Variants in PCDHA4 observed in about 807,000 individuals in gnomAD.
PCDHA4 encodes the protein protocadherin alpha-4.
PCDHA4 carries 49 observed loss-of-function variants against 61.4 expected under a neutral mutation model. The observed-to-expected ratio is 0.80, with a 90% CI of 0.63 to 1.01. The LOEUF (loss-of-function observed/expected upper bound fraction) is 1.01, where lower values mean the gene tolerates loss of function less well. Among genes scored for constraint, PCDHA4 ranks in the 50% least tolerant of loss-of-function variants. The pLI, the probability that PCDHA4 is intolerant of heterozygous loss-of-function variation, is 0.00. For synonymous variants in PCDHA4, 590 were observed against 550.3 expected, an observed-to-expected ratio of 1.07 and a Z score of -1.01; for missense variants, 1,254 against 1,235.8, an observed-to-expected ratio of 1.01 and a Z score of -0.22.
intron 1 of PCDHA4, chr5:140,871,576 G>A (rs1554165757): frequency 4.1e-6 from 6 of 1,475,680 alleles, no homozygotes; most frequent in Non-Finnish European, 5.4e-6. Flanking sequence ...GATTTTTTAA[G>A]GGAAAGTTTT....
rs1228341912 is a variant in PCDHA4 at position 140,843,752 on chromosome 5, T to G, written c.2385+34180T>G. 2.6e-6 allele frequency: 4 copies of G among 1,516,428 alleles called. No individual in the cohort carries two copies. In the African/African-American group the frequency reaches 5.5e-5, roughly 21 times the overall value. The allele number at this position is 1,516,428 out of a possible 1,614,324, so 93.9% of individuals were successfully genotyped here. ...TAAATTTAGAACTCATAAATTCTAT[T>G]TGTGGAAATTGTAGTTACTTTAAAA... On this transcript the variant is annotated intron_variant, in intron 1 of 3. Transcript: ENST00000530339.
chr5:140,822,625 G>A (rs2150117840), intron 1 of PCDHA4: 2 of 1,611,264 alleles, frequency 1.2e-6, no homozygotes, highest in South Asian at 1.1e-5. Context: ...TAGTAATCTT[G>A]TTCTTGACGA....
chr5:140,941,421 A>T (rs1399072425), intron 1 of PCDHA4, among the ~76,000 whole-genome samples: 1 of 149,518 alleles, frequency 6.7e-6, no homozygotes, highest in Non-Finnish European at 1.5e-5. Flanking sequence ...GGTTCAAGCA[A>T]TTCTCTGCCT....
At chr5:140,843,925 C>A in intron 1 of PCDHA4, 1 of 594,474 alleles carries the variant, frequency 1.7e-6, no homozygotes, top group Non-Finnish European at 2.9e-6. Flanking sequence ...TCTTGAAACT[C>A]AAGTTATGGT....
intron 1 of PCDHA4, among the ~76,000 whole-genome samples, chr5:140,895,314 G>A (rs2064960648): frequency 6.6e-6 from 1 of 151,858 alleles, no homozygotes; most frequent in Non-Finnish European, 1.5e-5. Context: ...TTCCACCCAT[G>A]ACTATTGTTC....
chr5:140,976,952 C>T lies in PCDHA4; in HGVS notation c.2386-1997C>T, dbSNP rs183824. 1.8e-3 allele frequency among the ~76,000 whole-genome samples: 271 copies of T among 152,298 alleles called. 1 individual carries two copies. Among genetic ancestry groups the T allele is most frequent in the African/African-American group, 6.2e-3 (258 of 41,574 alleles). The stretch of plus-strand genomic sequence containing the variant: ...GTAGCTACTTAAAACATATTATATG[C>T]TTTCTTCCTTTCCTTTTCCCTGCCT... On this transcript the variant is annotated intron_variant, in intron 1 of 3. Coordinates refer to ENST00000530339, the MANE Select transcript of PCDHA4 (RefSeq NM_018907.4).
chr5:140,878,599 A>G (rs1308833361), intron 1 of PCDHA4, among the ~76,000 whole-genome samples: 4 of 152,220 alleles, frequency 2.6e-5, no homozygotes, highest in African/African-American at 2.4e-5. Context: ...TTACCAAGTG[A>G]ATCTTCTAAT....
intron 1 of PCDHA4, chr5:140,841,829 T>A: frequency 1.2e-6 from 2 of 1,613,898 alleles, no homozygotes; most frequent in Non-Finnish European, 1.7e-6. Flanking sequence ...CGTGTTAACC[T>A]ACAGGCTTAG....
At chr5:140,961,887 G>GTTT (rs35680913) in intron 1 of PCDHA4, among the ~76,000 whole-genome samples, 3 of 143,936 alleles carry the variant, frequency 2.1e-5, no homozygotes, top group Non-Finnish European at 3.1e-5. Context: ...ACTTACATCA[G>GTTT]TTTTTTTTTT....
At chr5:140,961,548 TTC>T (rs1261051270) in intron 1 of PCDHA4, among the ~76,000 whole-genome samples, 4 of 152,230 alleles carry the variant, frequency 2.6e-5, no homozygotes, top group African/African-American at 9.6e-5. Context: ...CCTGCAGCAT[TTC>T]TTTTTTTAAA....
At chr5:140,952,807 C>T (rs1390694306) in intron 1 of PCDHA4, among the ~76,000 whole-genome samples, 2 of 152,158 alleles carry the variant, frequency 1.3e-5, no homozygotes, top group Admixed American at 6.5e-5. Context: ...CGCAGTTCTG[C>T]AGGCTGTACA....
rs140727388 is a variant in PCDHA4, at chr5:140,974,245, C to G, written c.2386-4704C>G. Among the ~76,000 whole-genome samples, 191 of 152,268 alleles carry G rather than the reference C, an allele frequency of 1.3e-3. 1 individual carries two copies. The highest frequency in any genetic ancestry group is 4.3e-3 in the African/African-American group (179 of 41,572). Reference sequence around the variant, plus strand: ...ATCTTAGTTCCTTGGCATATAAGCACCATCAGTTCCTTTCTGGCCTTCCAG... The same window carrying G: ...ATCTTAGTTCCTTGGCATATAAGCAGCATCAGTTCCTTTCTGGCCTTCCAG... On this transcript the variant is annotated intron_variant, in intron 1 of 3. Transcript: ENST00000530339.
intron 1 of PCDHA4, chr5:140,969,244 G>C: frequency 6.2e-7 from 1 of 1,614,206 alleles, no homozygotes; most frequent in Non-Finnish European, 8.5e-7. Flanking sequence ...AAGCAGCAGT[G>C]ACTGACAGCA....
intron 1 of PCDHA4, chr5:140,884,609 G>T: frequency 6.2e-7 from 1 of 1,614,138 alleles, no homozygotes; most frequent in Non-Finnish European, 8.5e-7. Context: ...TCCTTGTCTG[G>T]GTTCTGCAGA....
intron 1 of PCDHA4, chr5:140,862,418 G>A (rs868906297): frequency 8.8e-5 from 31 of 352,850 alleles, no homozygotes; most frequent in African/African-American, 6.4e-4. Flanking sequence ...AAAAGGCGCT[G>A]CCCAGAAACT....
At chr5:140,853,598 C>T (rs889899754) in intron 1 of PCDHA4, 2 of 986,878 alleles carry the variant, frequency 2.0e-6, no homozygotes, top group Non-Finnish European at 2.4e-6. Context: ...ACTTTGAGAG[C>T]AAAGGGGGTG....
chr5:140,856,920 A>T (rs1554149295), intron 1 of PCDHA4: 1 of 1,595,604 alleles, frequency 6.3e-7, no homozygotes, highest in Admixed American at 1.7e-5. Flanking sequence ...ATAAGAAGGA[A>T]ATTTTGGATA....
At chr5:140,858,209 T>A (rs1554151274) in intron 1 of PCDHA4, 1 of 1,593,850 alleles carries the variant, frequency 6.3e-7, no homozygotes, top group Admixed American at 1.7e-5. Context: ...TGCACTGAGG[T>A]GCTCGGCGGC....
intron 1 of PCDHA4, among the ~76,000 whole-genome samples, chr5:140,915,326 T>C (rs2077071352): frequency 6.6e-6 from 1 of 152,196 alleles, no homozygotes; most frequent in Non-Finnish European, 1.5e-5. Flanking sequence ...TACAGTGTTA[T>C]AATATTCTGT....
Sources: allele counts gnomAD v4.1 joint callset (sites outside exome capture counted in the v4.1 genomes callset), GRCh38; gene constraint gnomAD v4.1.1; transcripts MANE v1.5; gene names NCBI Gene and HGNC (gene_info 2026-07-23, HGNC 2026-07-21).